Variants in NELL1 observed in about 807,000 individuals in gnomAD.
NELL1 encodes neural EGFL like 1, also known as protein kinase C-binding protein NELL1.
In NELL1, 76 loss-of-function variants were observed where a neutral mutation model predicts 107.4. The observed-to-expected ratio is 0.71, with a 90% confidence interval of 0.59 to 0.86. The LOEUF (loss-of-function observed/expected upper bound fraction) is 0.86. Among genes scored for constraint, NELL1 ranks in the 40% least tolerant of loss-of-function variants. NELL1 has a pLI of 0.00. For synonymous variants in NELL1, 353 were observed against 341.2 expected (o/e 1.03, Z -0.38); for missense variants, 1,024 against 1,005.5 (o/e 1.02, Z -0.25).
intron 16 of NELL1, among the ~76,000 whole-genome samples, chr11:21,550,752 T>A (rs906775484): frequency 1.3e-5 from 2 of 152,126 alleles, no homozygotes; most frequent in Admixed American, 6.6e-5. Flanking sequence ...AGCCTTGTAG[T>A]GTAGTTTGAA....
At chr11:21,225,636 C>A (rs1392950651) in intron 13 of NELL1, among the ~76,000 whole-genome samples, 1 of 152,072 alleles carries the variant, frequency 6.6e-6, no homozygotes, top group Non-Finnish European at 1.5e-5. Flanking sequence ...GTGCTGGACA[C>A]CTCTATTTAA....
At chr11:21,426,006 A>T (rs1413214053) in intron 15 of NELL1, among the ~76,000 whole-genome samples, 2 of 152,220 alleles carry the variant, frequency 1.3e-5, no homozygotes, top group Non-Finnish European at 1.5e-5. Context: ...AGGGACTGGA[A>T]GTCAGAAGTG....
intron 12 of NELL1, among the ~76,000 whole-genome samples, chr11:21,045,644 T>C (rs1195142098): frequency 6.6e-6 from 1 of 152,170 alleles, no homozygotes; most frequent in Non-Finnish European, 1.5e-5. Context: ...TTTAGAACTT[T>C]TCTGTTCTTG....
At chr11:20,808,261 G>A (rs908342614) in intron 3 of NELL1, among the ~76,000 whole-genome samples, 1 of 152,112 alleles carries the variant, frequency 6.6e-6, no homozygotes, top group African/African-American at 2.4e-5. Flanking sequence ...TTTATTTCAA[G>A]TCAGCAGGTT....
At chr11:20,682,032 A>G (rs1380049556) in intron 2 of NELL1, among the ~76,000 whole-genome samples, 3 of 152,118 alleles carry the variant, frequency 2.0e-5, no homozygotes, top group Admixed American at 6.6e-5. Flanking sequence ...ATTTAATCAC[A>G]TCTGCAAAAT....
chr11:21,199,551 A>G (rs577875154), intron 13 of NELL1, among the ~76,000 whole-genome samples: 58 of 152,058 alleles, frequency 3.8e-4, no homozygotes, highest in Non-Finnish European at 7.5e-4. Flanking sequence ...CTAGTTTTCT[A>G]TCTTTTGTAG....
chr11:21,528,382 A>C (rs1373251638), intron 15 of NELL1, among the ~76,000 whole-genome samples: 1 of 152,096 alleles, frequency 6.6e-6, no homozygotes, highest in Non-Finnish European at 1.5e-5. Flanking sequence ...CCTCATGCAC[A>C]GAGTGATGCC....
chr11:20,883,151 C>T (rs529782611), intron 4 of NELL1, among the ~76,000 whole-genome samples: 10 of 152,336 alleles, frequency 6.6e-5, no homozygotes, highest in African/African-American at 9.6e-5. Context: ...AGGCAGCATC[C>T]GGCAGAGCTT....
chr11:20,738,864 G>A (rs1015806428), intron 2 of NELL1, among the ~76,000 whole-genome samples: 1 of 152,176 alleles, frequency 6.6e-6, no homozygotes, highest in Non-Finnish European at 1.5e-5. Context: ...AGGAAGTGGA[G>A]TCAGACTTTG....
At chr11:21,282,478 C>CAAAAA (rs35632941) in intron 14 of NELL1, among the ~76,000 whole-genome samples, 2 of 74,468 alleles carry the variant, frequency 2.7e-5, no homozygotes, top group Non-Finnish European at 5.1e-5. Flanking sequence ...GACTCTGTCT[C>CAAAAA]AAAAAAAAAA....
At chr11:21,245,615 G>A (rs1468082678) in intron 14 of NELL1, among the ~76,000 whole-genome samples, 1 of 152,074 alleles carries the variant, frequency 6.6e-6, no homozygotes, top group African/African-American at 2.4e-5. Context: ...TTGTTAATTT[G>A]CTTAATCTGT....
chr11:21,177,026 T>G (rs1398560643), intron 13 of NELL1, among the ~76,000 whole-genome samples: 1 of 151,782 alleles, frequency 6.6e-6, no homozygotes, highest in Non-Finnish European at 1.5e-5. Flanking sequence ...TCTCAATACA[T>G]GTATACATTA....
chr11:21,155,672 G>A (rs1856215533), intron 13 of NELL1, among the ~76,000 whole-genome samples: 1 of 152,106 alleles, frequency 6.6e-6, no homozygotes, highest in African/African-American at 2.4e-5. Context: ...ATGCTGGGGA[G>A]AGGGGACAGA....
At chr11:20,864,072 C>T (rs990273749) in intron 4 of NELL1, among the ~76,000 whole-genome samples, 4 of 151,632 alleles carry the variant, frequency 2.6e-5, no homozygotes, top group Admixed American at 6.6e-5. Context: ...AGCCCAGCCT[C>T]GGCTGGGCAT....
chr11:21,139,038 C>T (rs933915281), intron 13 of NELL1, among the ~76,000 whole-genome samples: 2 of 152,142 alleles, frequency 1.3e-5, no homozygotes, highest in Admixed American at 6.5e-5. Context: ...ATTGAGGGCT[C>T]ATGCTTCTAA....
intron 14 of NELL1, among the ~76,000 whole-genome samples, chr11:21,360,960 C>T (rs534125494): frequency 1.8e-4 from 28 of 152,126 alleles, no homozygotes; most frequent in Non-Finnish European, 3.4e-4. Context: ...TTACATTCAA[C>T]GCTAATATTG....
At position 20,824,322 on chromosome 11, in the gene NELL1, G is replaced by C. The variant is rs142125521; in HGVS notation, c.336-23261G>C. The stretch of plus-strand genomic sequence containing the variant: ...CCCTTTATAAATTACACAGTCTCAA[G>C]TATGTCTTCATTAGCAGTGTGAGAA... On this transcript the variant is annotated intron_variant, in intron 3 of 19. Coordinates refer to ENST00000357134, the MANE Select transcript of NELL1 (RefSeq NM_006157.5). 1.5e-3 allele frequency among the ~76,000 whole-genome samples: 227 copies of C among 151,458 alleles called. 1 individual carries two copies. The highest frequency in any genetic ancestry group is 4.2e-3 in the African/African-American group (175 of 41,488).
intron 12 of NELL1, among the ~76,000 whole-genome samples, chr11:21,050,890 C>A (rs796660666): frequency 7.2e-5 from 11 of 152,214 alleles, no homozygotes; most frequent in African/African-American, 2.6e-4. Context: ...TCTTACAATT[C>A]CTCACCACCT....
At chr11:20,772,641 A>ATTCATTCC (rs1856663361) in intron 2 of NELL1, among the ~76,000 whole-genome samples, 1 of 151,844 alleles carries the variant, frequency 6.6e-6, no homozygotes, top group Non-Finnish European at 1.5e-5. Context: ...TCATTCATTC[A>ATTCATTCC]TTCCTGAACC....
Sources: allele counts gnomAD v4.1 joint callset (sites outside exome capture counted in the v4.1 genomes callset), GRCh38; gene constraint gnomAD v4.1.1; transcripts MANE v1.5; gene names NCBI Gene and HGNC (gene_info 2026-07-23, HGNC 2026-07-21).